IMMP2L: variants seen among roughly 807,000 people sequenced by gnomAD.
IMMP2L encodes the protein mitochondrial inner membrane protease subunit 2.
IMMP2L carries 18 observed loss-of-function variants against 19.3 expected under a neutral mutation model. That is an observed-to-expected ratio of 0.93 (90% CI 0.64 to 1.38). The LOEUF (loss-of-function observed/expected upper bound fraction) is 1.38. Ranked by LOEUF, IMMP2L falls within the 40% of genes most tolerant of loss-of-function variation. The pLI, the probability that IMMP2L is intolerant of heterozygous loss-of-function variation, is 0.00. For missense variants in IMMP2L, 233 were observed against 218.2 expected (o/e 1.07, Z -0.43); for synonymous variants, 76 against 73.0 (o/e 1.04, Z -0.21).
intron 5 of IMMP2L, among the ~76,000 whole-genome samples, chr7:110,814,245 T>C (rs191861902): frequency 1.3e-5 from 2 of 152,086 alleles, no homozygotes; most frequent in South Asian, 2.1e-4. Context: ...TGGTGTATAA[T>C]GTTTTTATAA....
intron 3 of IMMP2L, among the ~76,000 whole-genome samples, chr7:111,393,133 C>T (rs1832533433): frequency 6.6e-6 from 1 of 151,948 alleles, no homozygotes; most frequent in Non-Finnish European, 1.5e-5. Context: ...TGTTGGGCAA[C>T]CAGCCTGCAA....
intron 3 of IMMP2L, among the ~76,000 whole-genome samples, chr7:111,357,690 A>G (rs1828853546): frequency 6.6e-6 from 1 of 152,196 alleles, no homozygotes; most frequent in South Asian, 2.1e-4. Context: ...AGAATAAAAT[A>G]ATCAAATCTA....
At chr7:110,913,295 A>C (rs1813254168) in intron 4 of IMMP2L, among the ~76,000 whole-genome samples, 1 of 152,108 alleles carries the variant, frequency 6.6e-6, no homozygotes, top group Non-Finnish European at 1.5e-5. Flanking sequence ...AGGGACCAAA[A>C]GCAAACTAAT....
At chr7:110,823,529 A>C (rs1370442663) in intron 5 of IMMP2L, among the ~76,000 whole-genome samples, 1 of 152,204 alleles carries the variant, frequency 6.6e-6, no homozygotes, top group African/African-American at 2.4e-5. Flanking sequence ...TTTATCCTAA[A>C]GACAAGCTTA....
At chr7:110,918,146 T>C (rs922504594) in intron 4 of IMMP2L, among the ~76,000 whole-genome samples, 1 of 152,188 alleles carries the variant, frequency 6.6e-6, no homozygotes, top group Non-Finnish European at 1.5e-5. Flanking sequence ...CTGTAGTTAT[T>C]CAAAATTTGA....
chr7:110,669,068 T>G (rs973420996), intron 5 of IMMP2L, among the ~76,000 whole-genome samples: 3 of 141,862 alleles, frequency 2.1e-5, no homozygotes, highest in Admixed American at 6.9e-5. Flanking sequence ...TGTGTGTGTG[T>G]GTGTGTGTGT....
chr7:110,770,428 A>G (rs1798960344), intron 5 of IMMP2L, among the ~76,000 whole-genome samples: 1 of 152,212 alleles, frequency 6.6e-6, no homozygotes, highest in Non-Finnish European at 1.5e-5. Flanking sequence ...AACATCAGTG[A>G]AAATGTATTT....
At chr7:111,344,103 T>C (rs1827298717) in intron 3 of IMMP2L, among the ~76,000 whole-genome samples, 1 of 152,144 alleles carries the variant, frequency 6.6e-6, no homozygotes, top group South Asian at 2.1e-4. Flanking sequence ...CCCCATCCAA[T>C]TTATTTTAAT....
chr7:111,364,058 TC>T (rs1829524484), intron 3 of IMMP2L, among the ~76,000 whole-genome samples: 1 of 152,112 alleles, frequency 6.6e-6, no homozygotes, highest in African/African-American at 2.4e-5. Context: ...AAGGTTATTT[TC>T]TTTGTACTGT....
At chr7:111,255,076 A>G (rs1169216142) in intron 3 of IMMP2L, among the ~76,000 whole-genome samples, 1 of 152,086 alleles carries the variant, frequency 6.6e-6, no homozygotes, top group Non-Finnish European at 1.5e-5. Context: ...TGAAACTGCC[A>G]GTTAAATAGC....
chr7:111,262,448 G>A (rs1338055144), intron 3 of IMMP2L, among the ~76,000 whole-genome samples: 1 of 152,044 alleles, frequency 6.6e-6, no homozygotes. Flanking sequence ...CCCTGCAGCA[G>A]TGCTGTGCTT....
intron 5 of IMMP2L, among the ~76,000 whole-genome samples, chr7:110,742,491 G>A (rs148232790): frequency 7.9e-5 from 12 of 152,212 alleles, no homozygotes; most frequent in Non-Finnish European, 1.2e-4. Context: ...TTCAACCGCT[G>A]GGCATGGTGG....
Sources: gnomAD v4.1 joint callset for allele counts (sites outside exome capture counted in the v4.1 genomes callset) on GRCh38, gnomAD v4.1.1 for gene constraint, MANE v1.5 for transcripts, NCBI Gene and HGNC (gene_info 2026-07-23, HGNC 2026-07-21) for gene names.